The following TGFBR3 variants were observed in gnomAD, a reference collection of about 807,000 sequenced individuals.
TGFBR3 encodes the protein transforming growth factor beta receptor type 3.
TGFBR3 carries 46 observed loss-of-function variants against 87.9 expected under a neutral mutation model. The observed-to-expected ratio is 0.52, with a 90% CI of 0.41 to 0.67. TGFBR3 has a LOEUF of 0.67. TGFBR3 is among the 30% of genes least tolerant of loss of function. TGFBR3 has a pLI of 0.00. For missense variants in TGFBR3, 866 were observed against 1,041.9 expected (o/e 0.83, Z 2.32); for synonymous variants, 381 against 391.6 (o/e 0.97, Z 0.32).
chr1:91,789,667 G>A (rs1449831440), intron 3 of TGFBR3, among the ~76,000 whole-genome samples: 2 of 152,158 alleles, frequency 1.3e-5, no homozygotes, highest in Non-Finnish European at 2.9e-5. Flanking sequence ...GTCCAAGACT[G>A]CATTTTTGGA....
chr1:91,892,546 C>G (rs1179942054), intron 2 of TGFBR3, among the ~76,000 whole-genome samples: 1 of 152,128 alleles, frequency 6.6e-6, no homozygotes, highest in East Asian at 1.9e-4. Flanking sequence ...GTGCCAGAAA[C>G]ATAACTTTCT....
Position 91,683,394 on chromosome 1 carries a change from A to G in TGFBR3, c.*345T>C, listed in dbSNP as rs1386018978. ...AGTCTGGGTAAAACTCAGGGCCCCA[A>G]ATTATGGATGTTCTCACCTGGACAA... On this transcript the variant is annotated 3_prime_UTR_variant, in exon 17 of 17. Coordinates refer to ENST00000212355, the MANE Select transcript of TGFBR3 (RefSeq NM_003243.5). The G allele has an allele frequency of 3.8e-6, 2 of 521,018 alleles. No homozygotes were observed. Among genetic ancestry groups the G allele is most frequent in the African/African-American group, 3.8e-5 (2 of 52,658 alleles). 32.3% of individuals were successfully genotyped at this position (521,018 alleles called of 1,614,324 possible). A position where few individuals can be genotyped will look rare whatever the true frequency, so the allele number is the denominator to read the frequency against.
At chr1:91,865,202 C>CAAAAAAAAA (rs67134125) in intron 1 of TGFBR3, among the ~76,000 whole-genome samples, 2 of 105,254 alleles carry the variant, frequency 1.9e-5, no homozygotes, top group Non-Finnish European at 1.9e-5. Flanking sequence ...GACTCCATCT[C>CAAAAAAAAA]AAAAAAAAAA....
rs966671745 is a variant in TGFBR3 at position 91,702,106 on chromosome 1, A to T, written c.2288-3976T>A. Among the ~76,000 whole-genome samples, 30 of 152,234 alleles carry T rather than the reference A, an allele frequency of 2.0e-4. 2 individuals are homozygous for T. Among genetic ancestry groups the T allele is most frequent in the Admixed American group, 1.3e-3 (20 of 15,292 alleles). ...CATGTAGTGGGTAGAGACCAGGGAC[A>T]CTGCTTAACATCCTGTAACACACAG... On this transcript the variant is annotated intron_variant, in intron 14 of 16. Transcript: ENST00000212355.
intron 2 of TGFBR3, among the ~76,000 whole-genome samples, chr1:91,804,089 G>T (rs1675745526): frequency 6.6e-6 from 1 of 152,042 alleles, no homozygotes; most frequent in Non-Finnish European, 1.5e-5. Context: ...ATGCTGCATG[G>T]GCTTTGTGCC....
At chr1:91,748,081 GT>G (rs1367266127) in intron 4 of TGFBR3, among the ~76,000 whole-genome samples, 1 of 152,134 alleles carries the variant, frequency 6.6e-6, no homozygotes, top group East Asian at 1.9e-4. Context: ...CCTAACAACA[GT>G]TTGGGAAAAA....
intron 1 of TGFBR3, among the ~76,000 whole-genome samples, chr1:91,879,268 CA>C (rs201627799): frequency 1.5e-4 from 20 of 132,744 alleles, no homozygotes; most frequent in African/African-American, 2.8e-4. Flanking sequence ...GACTCTGTCT[CA>C]AAAAAAAAAA....
intron 1 of TGFBR3, among the ~76,000 whole-genome samples, chr1:91,872,933 T>C (rs983696738): frequency 1.6e-4 from 23 of 145,100 alleles, no homozygotes; most frequent in Non-Finnish European, 2.9e-4. Context: ...AGATTCTCCT[T>C]CCCCGAGATT....
At position 91,797,294 on chromosome 1, in the gene TGFBR3, T is replaced by C; in HGVS notation, c.239A>G (p.Gln80Arg). The C allele has an allele frequency of 2.5e-6, 4 of 1,614,176 alleles. No individual in the cohort carries two copies. The highest frequency in any genetic ancestry group is 1.3e-5 in the African/African-American group (1 of 75,080). Residue 80 changes from glutamine (Q) to arginine (R), a missense_variant, in exon 3 of 17, where the codon CAG (glutamine) becomes CGG (arginine). Coordinates refer to ENST00000212355, the MANE Select transcript of TGFBR3 (RefSeq NM_003243.5). The part of the protein sequence containing the change: ...RTAGQGPGQL[Q>R]REVTLHLNPI... ...GCTGACACCTGCACCTACCTCTCTC[T>C]GTAGCTGGCCAGGCCCCTGGCCTGC...
Position 91,744,761 on chromosome 1 carries a change from A to G in TGFBR3, c.385-9802T>C, listed in dbSNP as rs17131546. ...GTTCTAGGCCATAGATATGAATATT[A>G]TTTAAACTCCAATAATCTTTATAAA... is the stretch of plus-strand genomic sequence containing the variant. On this transcript the variant is annotated intron_variant, in intron 4 of 16. Coordinates refer to ENST00000212355, the MANE Select transcript of TGFBR3 (RefSeq NM_003243.5). Among the ~76,000 whole-genome samples the G allele has an allele frequency of 4.7e-3, 711 of 152,292 alleles. 43 individuals are homozygous for G. The East Asian group carries it at 0.12, about 26-fold the overall frequency.
intron 2 of TGFBR3, among the ~76,000 whole-genome samples, chr1:91,891,814 C>T (rs1679457443): frequency 6.6e-6 from 1 of 152,128 alleles, no homozygotes; most frequent in South Asian, 2.1e-4. Flanking sequence ...CAGATTCGCT[C>T]ATAAAGACCC....
At chr1:91,880,459 G>A (rs1182867752) in intron 1 of TGFBR3, among the ~76,000 whole-genome samples, 7 of 152,118 alleles carry the variant, frequency 4.6e-5, no homozygotes, top group South Asian at 2.1e-4. Flanking sequence ...TTAGCTGGGC[G>A]TGGTGGCGGG....
chr1:91,681,122 A>C lies in TGFBR3; in HGVS notation c.*2617T>G. 1 of 454,158 alleles carries C rather than the reference A, an allele frequency of 2.2e-6. No individual in the cohort carries two copies. Among genetic ancestry groups the C allele is most frequent in the South Asian group, 1.6e-5 (1 of 64,480 alleles). 28.1% of individuals were successfully genotyped at this position (454,158 alleles called of 1,614,324 possible). ...AGATACAAGAGTTCAGCTGAAATAC[A>C]ACAATACTTTTAAAGAAACTTGTAG... On this transcript the variant is annotated 3_prime_UTR_variant, in exon 17 of 17. Transcript: ENST00000212355.
intron 3 of TGFBR3, among the ~76,000 whole-genome samples, chr1:91,774,148 C>CTT (rs397729583): frequency 5.3e-4 from 79 of 148,094 alleles, no homozygotes; most frequent in South Asian, 1.9e-3. Flanking sequence ...ATATACTTTT[C>CTT]TTTTTTTTTT....
At chr1:91,721,931 T>A (rs1267908121) in intron 8 of TGFBR3, 24 bp downstream of exon 8, 11 of 1,609,608 alleles carry the variant, frequency 6.8e-6, no homozygotes, top group Non-Finnish European at 8.5e-6. Flanking sequence ...ATTTTTTACA[T>A]AACTTAAAAA....
chr1:91,705,685 C>T (rs1338443936), intron 14 of TGFBR3, among the ~76,000 whole-genome samples: 1 of 152,138 alleles, frequency 6.6e-6, no homozygotes, highest in African/African-American at 2.4e-5. Flanking sequence ...GAAAACTTAC[C>T]CCAGTAAGCG....
intron 1 of TGFBR3, among the ~76,000 whole-genome samples, chr1:91,899,908 C>A (rs113213361): frequency 1.2e-4 from 18 of 152,124 alleles, no homozygotes; most frequent in African/African-American, 4.3e-4. Context: ...TATGATGGTA[C>A]CTGTGAATAA....
At chr1:91,811,376 G>C (rs1676023204) in intron 2 of TGFBR3, among the ~76,000 whole-genome samples, 1 of 152,036 alleles carries the variant, frequency 6.6e-6, no homozygotes, top group Non-Finnish European at 1.5e-5. Context: ...ACTTTTCCAA[G>C]GTCTCAATTT....
At chr1:91,781,994 T>C (rs1018878564) in intron 3 of TGFBR3, among the ~76,000 whole-genome samples, 4 of 152,126 alleles carry the variant, frequency 2.6e-5, no homozygotes, top group African/African-American at 9.7e-5. Context: ...AATGGTAATA[T>C]TACCATTTCA....
Sources: gnomAD v4.1 joint callset for allele counts (sites outside exome capture counted in the v4.1 genomes callset) on GRCh38, gnomAD v4.1.1 for gene constraint, MANE v1.5 for transcripts, NCBI Gene and HGNC (gene_info 2026-07-23, HGNC 2026-07-21) for gene names.